The following MTMR9 variants were observed in gnomAD, a reference collection of about 807,000 sequenced individuals.
MTMR9 encodes myotubularin-related protein 9.
A neutral mutation model predicts 69.5 loss-of-function variants in MTMR9; 39 were observed. The ratio of observed to expected loss-of-function variants is 0.56; its 90% CI spans 0.43 to 0.73. The LOEUF is 0.73. Ranked by LOEUF, MTMR9 falls within the 30% of genes least tolerant of loss-of-function variation. MTMR9 has a pLI of 0.00. For synonymous variants in MTMR9, 354 were observed against 240.8 expected (o/e 1.47, Z -4.35); for missense variants, 900 against 671.2 (o/e 1.34, Z -3.77).
At chr8:11,295,666 T>C (rs1799529243) in intron 2 of MTMR9, among the ~76,000 whole-genome samples, 1 of 152,258 alleles carries the variant, frequency 6.6e-6, no homozygotes, top group Non-Finnish European at 1.5e-5. Context: ...AAAGAGGTTC[T>C]TGGGAGAAAT....
chr8:11,291,380 A>T (rs968900804), intron 1 of MTMR9, among the ~76,000 whole-genome samples: 1 of 152,144 alleles, frequency 6.6e-6, no homozygotes, highest in Non-Finnish European at 1.5e-5. Context: ...AGAAATAAAC[A>T]TATAAACTAG....
In MTMR9 at chr8:11,307,797, A is replaced by G. The variant is rs1307929475; in HGVS notation, c.809+1390A>G. Among the ~76,000 whole-genome samples, 3 of 152,012 alleles carry G rather than the reference A, an allele frequency of 2.0e-5. No homozygotes were observed. The East Asian group carries it at 5.8e-4, about 29-fold the overall frequency. ...TTTGAATTTCATTTCTCTGTTGATG[A>G]GTGATGCAGAGCATTTTTTTTTTCA... On this transcript the variant is annotated intron_variant, in intron 5 of 9. Coordinates refer to ENST00000221086, the MANE Select transcript of MTMR9 (RefSeq NM_015458.4).
intron 8 of MTMR9, chr8:11,318,517 TA>T (rs1298199314): frequency 8.5e-5 from 13 of 152,376 alleles, no homozygotes; most frequent in African/African-American, 3.1e-4. Flanking sequence ...ACTGATTTTA[TA>T]ATAAAATCTC....
intron 3 of MTMR9, among the ~76,000 whole-genome samples, chr8:11,302,163 G>A (rs1258814714): frequency 6.9e-6 from 1 of 145,892 alleles, no homozygotes; most frequent in East Asian, 2.1e-4. Flanking sequence ...TGAGGTGGGA[G>A]AATGGCTTGA....
the MTMR9 span, among the ~76,000 whole-genome samples, chr8:11,339,115 A>G: frequency 6.6e-6 from 1 of 152,180 alleles, no homozygotes; most frequent in Non-Finnish European, 1.5e-5. Context: ...AGGGGTGTCA[A>G]TCCCCTTAAC....
intron 9 of MTMR9, 178 bp downstream of exon 9, chr8:11,320,016 C>CG: frequency 2.4e-6 from 1 of 413,724 alleles, no homozygotes; most frequent in Non-Finnish European, 4.1e-6. Context: ...TCTAGCCACA[C>CG]TTTTTTTTTT....
intron 3 of MTMR9, chr8:11,300,770 A>T (rs1372414448): frequency 6.6e-6 from 1 of 152,334 alleles, no homozygotes; most frequent in Non-Finnish European, 1.5e-5. Context: ...TAACAAAAGA[A>T]ATTCAAGGTC....
chr8:11,315,422 T>C (rs1293018714), intron 7 of MTMR9, among the ~76,000 whole-genome samples: 1 of 152,150 alleles, frequency 6.6e-6, no homozygotes, highest in Admixed American at 6.5e-5. Flanking sequence ...AGGAAAGCGC[T>C]TTAACCCTTT....
At chr8:11,305,968 A>G (rs1234625724) in intron 4 of MTMR9, among the ~76,000 whole-genome samples, 2 of 152,218 alleles carry the variant, frequency 1.3e-5, no homozygotes, top group African/African-American at 4.8e-5. Context: ...ATTATGTGAC[A>G]GTATTTTGAG....
intron 8 of MTMR9, chr8:11,317,782 G>C (rs1354321650): frequency 1.3e-5 from 2 of 152,226 alleles, no homozygotes; most frequent in Admixed American, 1.3e-4. Flanking sequence ...ACATCAGAAT[G>C]ATCTTTCAGG....
chr8:11,314,062 T>G (rs559731744), intron 6 of MTMR9, among the ~76,000 whole-genome samples: 2 of 152,350 alleles, frequency 1.3e-5, no homozygotes, highest in Admixed American at 6.5e-5. Flanking sequence ...CATGGAAGGA[T>G]ACGAGTGTAG....
rs1801023433 is a variant in MTMR9, at chr8:11,328,002, T to C, written c.*5214T>C. 6.6e-6 allele frequency: 1 copy of C among 152,224 alleles called. No homozygotes were observed. Among genetic ancestry groups the C allele is most frequent in the Non-Finnish European group, 1.5e-5 (1 of 68,044 alleles). The allele number at this position is 152,224 out of a possible 1,614,324, so 9.4% of individuals were successfully genotyped here. On this transcript the variant is annotated 3_prime_UTR_variant, in exon 10 of 10. Transcript: ENST00000221086. Reference sequence around the variant, plus strand: ...GGTTTACTGAATCAAGAAAGAGTCTTGTCGAATGTGGTACTGTTCTTAGTG... The same window carrying C: ...GGTTTACTGAATCAAGAAAGAGTCTCGTCGAATGTGGTACTGTTCTTAGTG...
rs1800795102 is a variant in MTMR9, at chr8:11,323,668, G to C, written c.*880G>C. 6.6e-6 allele frequency: 1 copy of C among 152,122 alleles called. No individual in the cohort carries two copies. The highest frequency in any genetic ancestry group is 2.1e-4 in the South Asian group (1 of 4,826). The allele number at this position is 152,122 out of a possible 1,614,324, so 9.4% of individuals were successfully genotyped here. ...GGTTTTCTTAAACCAGAGATGCACT[G>C]CCCTTGTCTAAAGTTCTTATTGCAC... is the stretch of plus-strand genomic sequence containing the variant. On this transcript the variant is annotated 3_prime_UTR_variant, in exon 10 of 10. Transcript: ENST00000221086.
At chr8:11,339,045 CT>C in the MTMR9 span, among the ~76,000 whole-genome samples, 3 of 152,222 alleles carry the variant, frequency 2.0e-5, no homozygotes, top group Non-Finnish European at 4.4e-5. Flanking sequence ...TGTGTGCCCC[CT>C]GTGCAAGGCC....
intron 2 of MTMR9, chr8:11,298,873 G>A (rs969516268): frequency 1.0e-6 from 1 of 985,176 alleles, no homozygotes; most frequent in African/African-American, 1.7e-5. Flanking sequence ...AAGTGCTCCA[G>A]GTAAATATAG....
At chr8:11,303,891 A>T (rs1016047638) in intron 3 of MTMR9, among the ~76,000 whole-genome samples, 9 of 152,230 alleles carry the variant, frequency 5.9e-5, no homozygotes, top group African/African-American at 2.2e-4. Flanking sequence ...AAAAAATTTA[A>T]TTAAAAATGT....
intron 9 of MTMR9, among the ~76,000 whole-genome samples, chr8:11,321,999 G>A (rs1490476910): frequency 6.6e-6 from 1 of 152,150 alleles, no homozygotes; most frequent in Non-Finnish European, 1.5e-5. Context: ...TTAACATAGG[G>A]CTATGGAGAG....
At chr8:11,297,482 G>A (rs540348554) in intron 2 of MTMR9, among the ~76,000 whole-genome samples, 39 of 151,856 alleles carry the variant, frequency 2.6e-4, no homozygotes, top group African/African-American at 8.7e-4. Flanking sequence ...TTTGGGCAGA[G>A]GAACATTACC....
Position 11,295,336 on chromosome 8 carries a change from T to C in MTMR9, c.291+34T>C, listed in dbSNP as rs767389716. On this transcript the variant is annotated intron_variant, in intron 2 of 9. Transcript: ENST00000221086. Reference sequence around the variant, plus strand: ...TTTGGAAGCAAAATCTAATGAAACATAATTTTATATTATGACTCAGTGTAG... The same window carrying C: ...TTTGGAAGCAAAATCTAATGAAACACAATTTTATATTATGACTCAGTGTAG... 6.9e-6 allele frequency: 8 copies of C among 1,152,626 alleles called. No homozygotes were observed. In the East Asian group the frequency reaches 1.9e-4, roughly 27 times the overall value. The allele number at this position is 1,152,626 out of a possible 1,614,324, so 71.4% of individuals were successfully genotyped here. A position where few individuals can be genotyped will look rare whatever the true frequency, so the allele number is the denominator to read the frequency against.
Sources: gnomAD v4.1 joint callset for allele counts (sites outside exome capture counted in the v4.1 genomes callset) on GRCh38, gnomAD v4.1.1 for gene constraint, MANE v1.5 for transcripts, NCBI Gene and HGNC (gene_info 2026-07-23, HGNC 2026-07-21) for gene names.